The following CTNND2 variants were observed in gnomAD, a reference collection of about 807,000 sequenced individuals.
The protein encoded by CTNND2 is catenin delta 2.
In CTNND2, 22 loss-of-function variants were observed where a neutral mutation model predicts 144.4. That is an observed-to-expected ratio of 0.15 (90% confidence interval 0.11 to 0.22). The LOEUF is 0.22. Among genes scored for constraint, CTNND2 ranks in the 10% least tolerant of loss-of-function variants. The pLI is 1.00. For missense variants in CTNND2, 1,353 were observed against 1,618.8 expected (o/e 0.84, Z 2.82); for synonymous variants, 751 against 695.6 (o/e 1.08, Z -1.25).
At chr5:11,387,241 TA>T (rs33928349) in intron 6 of CTNND2, among the ~76,000 whole-genome samples, 19 of 146,576 alleles carry the variant, frequency 1.3e-4, no homozygotes, top group African/African-American at 3.5e-4. Flanking sequence ...TTTTCAGCAT[TA>T]AAAAAAAAAA....
chr5:11,674,068 T>G (rs564516006), intron 2 of CTNND2, among the ~76,000 whole-genome samples: 3 of 152,182 alleles, frequency 2.0e-5, no homozygotes, highest in Non-Finnish European at 4.4e-5. Flanking sequence ...TTACAATAAG[T>G]AAATGTAGTG....
chr5:11,575,216 T>C (rs2150121746), intron 2 of CTNND2, among the ~76,000 whole-genome samples: 1 of 152,332 alleles, frequency 6.6e-6, no homozygotes. Flanking sequence ...GCTTTTGCAT[T>C]ATCACCTTCT....
intron 9 of CTNND2, among the ~76,000 whole-genome samples, chr5:11,335,652 C>A (rs1053328062): frequency 6.6e-6 from 1 of 152,058 alleles, no homozygotes; most frequent in African/African-American, 2.4e-5. Context: ...GGTCTGGCGG[C>A]GGGGAACCTA....
chr5:11,474,677 G>T (rs1232299818), intron 3 of CTNND2, among the ~76,000 whole-genome samples: 1 of 152,094 alleles, frequency 6.6e-6, no homozygotes, highest in Non-Finnish European at 1.5e-5. Context: ...ATACTGGATA[G>T]GAAAAAAATT....
chr5:11,780,722 G>C (rs1375556429), intron 1 of CTNND2, among the ~76,000 whole-genome samples: 2 of 152,150 alleles, frequency 1.3e-5, no homozygotes, highest in Non-Finnish European at 2.9e-5. Context: ...GGTAGGAGAG[G>C]CTGGCCCAGG....
chr5:11,475,425 G>T (rs906717356), intron 3 of CTNND2, among the ~76,000 whole-genome samples: 2 of 152,170 alleles, frequency 1.3e-5, no homozygotes, highest in African/African-American at 2.4e-5. Context: ...TTTTGAATCA[G>T]TTTGGGTTCA....
intron 12 of CTNND2, among the ~76,000 whole-genome samples, chr5:11,139,255 C>A (rs1214210780): frequency 6.6e-6 from 1 of 152,182 alleles, no homozygotes; most frequent in East Asian, 1.9e-4. Flanking sequence ...GCGACCACAC[C>A]CGGCCAGAAA....
At chr5:11,803,836 A>G (rs2126892946) in intron 1 of CTNND2, among the ~76,000 whole-genome samples, 1 of 152,104 alleles carries the variant, frequency 6.6e-6, no homozygotes, top group Non-Finnish European at 1.5e-5. Flanking sequence ...GGTCTGCAAT[A>G]TTGCAATATT....
intron 10 of CTNND2, among the ~76,000 whole-genome samples, chr5:11,225,449 T>C (rs769985553): frequency 2.6e-5 from 4 of 152,212 alleles, no homozygotes; most frequent in African/African-American, 4.8e-5. Flanking sequence ...TGGTTGACAC[T>C]ACCCAGTGAA....
In CTNND2 at chr5:11,398,627, C is replaced by G. The variant is rs1760353791; in HGVS notation, c.440-1424G>C. Among the ~76,000 whole-genome samples the G allele has an allele frequency of 5.3e-5, 8 of 152,154 alleles. No individual in the cohort carries two copies. The South Asian group carries it at 1.5e-3, about 28-fold the overall frequency. On this transcript the variant is annotated intron_variant, in intron 5 of 21. Transcript: ENST00000304623. ...GCAAGGAAATAAAAGTGTTTTCATC[C>G]AGCCACAACTTCATCATGAAGGGTG...
At chr5:11,857,432 C>T (rs567613080) in intron 1 of CTNND2, among the ~76,000 whole-genome samples, 13 of 152,068 alleles carry the variant, frequency 8.5e-5, no homozygotes, top group Non-Finnish European at 1.8e-4. Flanking sequence ...GTCAGCAGGC[C>T]GTGGTAAAGA....
chr5:11,221,044 A>G (rs910203035), intron 10 of CTNND2, among the ~76,000 whole-genome samples: 1 of 152,258 alleles, frequency 6.6e-6, no homozygotes. Flanking sequence ...TGAATTTTGA[A>G]GAGCTCTTAG....
intron 3 of CTNND2, among the ~76,000 whole-genome samples, chr5:11,435,509 G>C (rs1455973734): frequency 6.6e-6 from 1 of 152,114 alleles, no homozygotes; most frequent in South Asian, 2.1e-4. Context: ...CTCTACTGTA[G>C]TTACTGAACT....
intron 12 of CTNND2, among the ~76,000 whole-genome samples, chr5:11,117,950 A>G (rs1289826763): frequency 6.6e-6 from 1 of 152,238 alleles, no homozygotes; most frequent in East Asian, 1.9e-4. Flanking sequence ...AGAACTTGTA[A>G]CTTCTGAAAT....
At chr5:11,665,874 T>C (rs1783542143) in intron 2 of CTNND2, among the ~76,000 whole-genome samples, 4 of 152,190 alleles carry the variant, frequency 2.6e-5, no homozygotes, top group African/African-American at 4.8e-5. Flanking sequence ...TATAGTGTTA[T>C]GCTTAAGATA....
intron 3 of CTNND2, among the ~76,000 whole-genome samples, chr5:11,555,185 T>C (rs1776117509): frequency 6.6e-6 from 1 of 152,202 alleles, no homozygotes; most frequent in African/African-American, 2.4e-5. Flanking sequence ...TGGTTTCGCA[T>C]ATGCTTGTCA....
At chr5:11,366,431 A>C (rs1370103007) in intron 7 of CTNND2, among the ~76,000 whole-genome samples, 1 of 152,188 alleles carries the variant, frequency 6.6e-6, no homozygotes, top group Non-Finnish European at 1.5e-5. Flanking sequence ...CAAGTTCCTT[A>C]CCATTCTCTT....
intron 3 of CTNND2, among the ~76,000 whole-genome samples, chr5:11,545,403 G>T (rs1314607792): frequency 6.6e-6 from 1 of 151,954 alleles, no homozygotes; most frequent in Admixed American, 6.5e-5. Flanking sequence ...TGGGCATGGT[G>T]GCTCACGCCT....
rs377628395 is a variant in CTNND2 at position 11,199,467 on chromosome 5, C to A, written c.1956G>T (p.Glu652Asp). 3.1e-6 allele frequency: 5 copies of A among 1,614,030 alleles called. No homozygotes were observed. The African/African-American group carries it at 5.3e-5, about 17-fold the overall frequency. ...TCTAACCTGTGACCAGCTCCCGGAT[C>A]TCCAGGTCAGTCGTCTTGCGGAGTA... ...VRLLRKTTDL[E>D]IRELVTGVLW... Residue 652 changes from glutamate to aspartate, a missense_variant, in exon 11 of 22, where the codon GAG becomes GAT. By Grantham distance (45) the Glu-to-Asp change is conservative. Transcript: ENST00000304623.
Sources: gnomAD v4.1 joint callset for allele counts (sites outside exome capture counted in the v4.1 genomes callset) on GRCh38, gnomAD v4.1.1 for gene constraint, MANE v1.5 for transcripts, NCBI Gene and HGNC (gene_info 2026-07-23, HGNC 2026-07-21) for gene names.